TRIM31: variants seen among roughly 807,000 people sequenced by gnomAD.
TRIM31 encodes the protein tripartite motif containing 31.
A neutral mutation model predicts 40.6 loss-of-function variants in TRIM31; 31 were observed. The ratio of observed to expected loss-of-function variants is 0.76; its 90% CI spans 0.57 to 1.03. TRIM31 has a LOEUF of 1.03. Among genes scored for constraint, TRIM31 ranks in the 50% least tolerant of loss-of-function variants. The probability of loss-of-function intolerance (pLI) is 0.00; values close to 1 mark genes in which losing one functional copy is unlikely to be tolerated. For synonymous variants in TRIM31, 164 were observed against 193.9 expected (o/e 0.85, Z 1.28); for missense variants, 455 against 497.5 (o/e 0.91, Z 0.81).
chr6:30,112,425 A>C lies in TRIM31; in HGVS notation c.381T>G (p.Asn127Lys), dbSNP rs376929796. 168 of 1,612,848 alleles carry C rather than the reference A, an allele frequency of 1.0e-4. No homozygotes were observed. The highest frequency in any genetic ancestry group is 1.4e-4 in the Non-Finnish European group (162 of 1,179,998). Residue 127 changes from asparagine to lysine, a missense_variant, in exon 2 of 9, where the codon AAT becomes AAG. Transcript: ENST00000376734. ...GGGCAGCTTCTTCGATCAAGCTGAC[A>C]TTATGGGATTTGTGGTCCTTGGATT... ...CRESKDHKSH[N>K]VSLIEEAAQN...
intron 3 of TRIM31, 21 bp from the exon 4 acceptor site, chr6:30,110,699 G>A (rs1451075745): frequency 3.7e-6 from 6 of 1,610,210 alleles, no homozygotes; most frequent in Non-Finnish European, 5.1e-6. Context: ...GGGACAGGCA[G>A]AGGGTGAGAG....
rs1768382837 is a variant in TRIM31 at position 30,103,500 on chromosome 6, T to C, written c.*36A>G. On this transcript the variant is annotated 3_prime_UTR_variant, in exon 9 of 9. Transcript: ENST00000376734. ...GCGCCACTCTATGCTCCGAAGTCCG[T>C]GTAGCACCACCGCTCCCCGTGTTCT... The C allele has an allele frequency of 6.2e-7, 1 of 1,609,962 alleles. No homozygotes were observed. The highest frequency in any genetic ancestry group is 8.5e-7 in the Non-Finnish European group (1 of 1,178,312).
chr6:30,107,280 C>T lies in TRIM31; in HGVS notation c.883+773G>A, dbSNP rs369766273. Reference sequence around the variant, plus strand: ...TTTATGTCTGCCGAGTGGAGATTCCCGGCTGAATGGGTGGAGATCTTGGGG... The same window carrying T: ...TTTATGTCTGCCGAGTGGAGATTCCTGGCTGAATGGGTGGAGATCTTGGGG... On this transcript the variant is annotated intron_variant, in intron 6 of 8. Transcript: ENST00000376734. 3.7e-4 allele frequency among the ~76,000 whole-genome samples: 52 copies of T among 141,120 alleles called. 5 individuals are homozygous for T. The East Asian group carries it at 3.8e-3, about 10-fold the overall frequency. The allele number at this position is 141,120 out of a possible 152,430, so 92.6% of individuals were successfully genotyped here. A position where few individuals can be genotyped will look rare whatever the true frequency, so the allele number is the denominator to read the frequency against.
chr6:30,109,357 G>T (rs148913816), intron 4 of TRIM31, among the ~76,000 whole-genome samples: 1,760 of 152,298 alleles, frequency 0.012, 26 homozygotes, highest in Admixed American at 0.032. Flanking sequence ...CAGGAGAAAG[G>T]CTAGAATGGC....
rs1769344932 is a variant in TRIM31, at chr6:30,111,699, C to G, written c.462G>C (p.Lys154Asn). 6.2e-7 allele frequency: 1 copy of G among 1,614,208 alleles called. No individual in the cohort carries two copies. Among genetic ancestry groups the G allele is most frequent in the African/African-American group, 1.3e-5 (1 of 75,070 alleles). ...EQIQVLQQKE[K>N]ETVQVKAQGV... ...CTTGTGCCTTCACTTGTACTGTCTC[C>G]TTCTCCTTTTGCTGCAAGACTTGGA... is the stretch of plus-strand genomic sequence containing the variant. Residue 154 changes from lysine to asparagine, a missense_variant, in exon 3 of 9, where the codon AAG (lysine) becomes AAC (asparagine). By Grantham distance (94) the Lys-to-Asn change is moderately conservative. Transcript: ENST00000376734.
Position 30,108,814 on chromosome 6 carries a change from A to C in TRIM31, c.767+212T>G, listed in dbSNP as rs555416620. On this transcript the variant is annotated intron_variant, in intron 5 of 8. Coordinates refer to ENST00000376734, the MANE Select transcript of TRIM31 (RefSeq NM_007028.5). Reference sequence around the variant, plus strand: ...TAGAATCTGTGCTGAAGAAGGAGGAAGGCTGAGAAAACAGCTGGTTTCTTT... The same window carrying C: ...TAGAATCTGTGCTGAAGAAGGAGGACGGCTGAGAAAACAGCTGGTTTCTTT... The C allele has an allele frequency of 3.2e-5, 20 of 631,080 alleles. No individual in the cohort carries two copies. The East Asian group carries it at 5.5e-4, about 17-fold the overall frequency. The allele number at this position is 631,080 out of a possible 1,614,324, so 39.1% of individuals were successfully genotyped here.
chr6:30,107,529 G>C (rs140116673), intron 6 of TRIM31: 1 of 58,648 alleles, frequency 1.7e-5, no homozygotes, highest in Non-Finnish European at 4.1e-5. Flanking sequence ...AAAGGTTTAT[G>C]AAAAATATCT....
At chr6:30,108,559 C>CA (rs28381623) in intron 5 of TRIM31, among the ~76,000 whole-genome samples, 95 of 96,566 alleles carry the variant, frequency 9.8e-4, no homozygotes, top group African/African-American at 1.4e-3. Flanking sequence ...AGCTCCATCT[C>CA]AAAAAAAAAA....
chr6:30,111,071 A>T (rs2127392297), intron 3 of TRIM31: 1 of 193,984 alleles, frequency 5.2e-6, no homozygotes, highest in East Asian at 1.3e-4. Context: ...TCACTCTGTC[A>T]CTCAGGCTGG....
At chr6:30,110,395 G>T in intron 4 of TRIM31, 53 bp downstream of exon 4, 1 of 1,570,642 alleles carries the variant, frequency 6.4e-7, no homozygotes, top group Non-Finnish European at 8.7e-7. Context: ...GCTCTGACCT[G>T]AGACTAGGGA....
At chr6:30,111,486 G>A (rs1769312045) in intron 3 of TRIM31, 162 bp downstream of exon 3, 11 of 661,662 alleles carry the variant, frequency 1.7e-5, no homozygotes, top group Admixed American at 2.9e-5. Context: ...TAGCGAGGCC[G>A]ACGCGGGAGG....
chr6:30,104,058 T>C (rs1326983334), intron 8 of TRIM31, 44 bp downstream of exon 8: 1 of 1,598,354 alleles, frequency 6.3e-7, no homozygotes, highest in Non-Finnish European at 8.6e-7. Flanking sequence ...TTTGACCACC[T>C]GTAGACTTAG....
At position 30,103,398 on chromosome 6, in the gene TRIM31, C is replaced by T. The variant is rs1417198440; in HGVS notation, c.*138G>A. On this transcript the variant is annotated 3_prime_UTR_variant, in exon 9 of 9. Coordinates refer to ENST00000376734, the MANE Select transcript of TRIM31 (RefSeq NM_007028.5). ...GCCCCCATCTCCACTCTCAGTAGCC[C>T]GAGCCCTCCCATTCTCCACTCCTTC... The T allele has an allele frequency of 7.7e-7, 1 of 1,302,494 alleles. No individual in the cohort carries two copies. The highest frequency in any genetic ancestry group is 1.1e-6 in the Non-Finnish European group (1 of 944,834). 80.7% of individuals were successfully genotyped at this position (1,302,494 alleles called of 1,614,324 possible). A position where few individuals can be genotyped will look rare whatever the true frequency, so the allele number is the denominator to read the frequency against.
intron 5 of TRIM31, 158 bp downstream of exon 5, chr6:30,108,868 G>T (rs1769010186): frequency 2.6e-6 from 2 of 767,318 alleles, no homozygotes; most frequent in African/African-American, 1.7e-5. Flanking sequence ...AATATGGTTG[G>T]CATAGGCATT....
chr6:30,111,468 C>A, intron 3 of TRIM31, 180 bp downstream of exon 3: 3 of 603,650 alleles, frequency 5.0e-6, no homozygotes, highest in Non-Finnish European at 8.7e-6. Context: ...GCAGTCAGCC[C>A]GCTGTAATAG....
intron 6 of TRIM31, 190 bp downstream of exon 6, chr6:30,107,863 C>T (rs562514925): frequency 2.0e-4 from 117 of 578,194 alleles, no homozygotes; most frequent in Non-Finnish European, 3.2e-4. Flanking sequence ...TAACATATCA[C>T]AAAGACAGAA....
chr6:30,112,533 T>C lies in TRIM31; in HGVS notation c.273A>G (p.Lys91=), dbSNP rs1292642368. The change falls in exon 2 of 9, where the codon AAA becomes AAG. Residue 91 remains lysine, a synonymous_variant. Coordinates refer to ENST00000376734, the MANE Select transcript of TRIM31 (RefSeq NM_007028.5). ...LQASEVQSKR[K]EATCPRHQEM... is the part of the protein sequence containing the mutation. Reference sequence around the variant, plus strand: ...CCTGGTGCCTCGGGCATGTAGCCTCTTTCCTTTTGGACTGCACCTCAGAGG... The same window carrying C: ...CCTGGTGCCTCGGGCATGTAGCCTCCTTCCTTTTGGACTGCACCTCAGAGG... The C allele has an allele frequency of 1.2e-6, 2 of 1,613,154 alleles. No homozygotes were observed. The highest frequency in any genetic ancestry group is 1.7e-6 in the Non-Finnish European group (2 of 1,180,046).
At chr6:30,106,366 C>T (rs749788464) in intron 6 of TRIM31, among the ~76,000 whole-genome samples, 44 of 152,186 alleles carry the variant, frequency 2.9e-4, no homozygotes, top group African/African-American at 9.4e-4. Flanking sequence ...GGGAGCACTT[C>T]ACCTACAAGG....
rs754291864 is a variant in TRIM31, at chr6:30,110,607, C to T, written c.585G>A (p.Glu195=). 3 of 1,614,218 alleles carry T rather than the reference C, an allele frequency of 1.9e-6. No individual in the cohort carries two copies. The highest frequency in any genetic ancestry group is 1.1e-5 in the South Asian group (1 of 91,088). The change falls in exon 4 of 9, where the codon GAG becomes GAA. Residue 195 remains glutamate (E), a synonymous_variant. Transcript: ENST00000376734. ...AAATCCGTGATAGCAGGAAATTCTTCTCCTCCTCTAGGACTTGATGCAGGA... is the reference window on the plus strand; with the variant it reads ...AAATCCGTGATAGCAGGAAATTCTTTTCCTCCTCTAGGACTTGATGCAGGA... ...FELLHQVLEE[E]KNFLLSRIYW...
Sources: allele counts gnomAD v4.1 joint callset (sites outside exome capture counted in the v4.1 genomes callset), GRCh38; gene constraint gnomAD v4.1.1; transcripts MANE v1.5; gene names NCBI Gene and HGNC (gene_info 2026-07-23, HGNC 2026-07-21).